OR52R1: variants seen among roughly 807,000 people sequenced by gnomAD.
OR52R1 encodes olfactory receptor 52R1.
For synonymous variants in OR52R1, 159 were observed against 150.1 expected, an observed-to-expected ratio of 1.06 and a Z score of -0.43; for missense variants, 432 against 395.1, an observed-to-expected ratio of 1.09 and a Z score of -0.79.
In OR52R1 at chr11:4,804,032, C is replaced by A. The variant is rs1422416076; in HGVS notation, c.349G>T (p.Val117Leu). Residue 117 changes from valine to leucine, a missense_variant, in exon 1 of 1, where the codon GTG (valine) becomes TTG (leucine). Transcript: ENST00000624978. ...IHAFSSVESGVLMAMALDCYV... is the reference protein window; with the variant it reads ...IHAFSSVESGLLMAMALDCYV... ...CAGTCCAGGGCCATAGCCATGAGCA[C>A]CCCAGACTCCACAGAAGAAAAGGCA... The A allele has an allele frequency of 2.5e-6, 4 of 1,613,888 alleles. No homozygotes were observed. The highest frequency in any genetic ancestry group is 3.4e-6 in the Non-Finnish European group (4 of 1,179,984).
Position 4,803,994 on chromosome 11 carries a change from G to C in OR52R1, c.387C>G (p.Ile129Met). Residue 129 changes from isoleucine (I) to methionine (M), a missense_variant, in exon 1 of 1, where the codon ATC (isoleucine) becomes ATG (methionine). Physicochemically the swap from Ile to Met is conservative, Grantham distance 10 (BLOSUM62 1). Coordinates refer to ENST00000624978, the MANE Select transcript of OR52R1 (RefSeq NM_001005177.3). Reference protein sequence around the residue: ...MAMALDCYVAICFPLRHSSIL... With the variant: ...MAMALDCYVAMCFPLRHSSIL... Reference sequence around the variant, plus strand: ...TGCTAGAGTGTCGGAGTGGGAAGCAGATAGCCACGTAGCAGTCCAGGGCCA... The same window carrying C: ...TGCTAGAGTGTCGGAGTGGGAAGCACATAGCCACGTAGCAGTCCAGGGCCA... 6.2e-7 allele frequency: 1 copy of C among 1,613,856 alleles called. No homozygotes were observed. The highest frequency in any genetic ancestry group is 8.5e-7 in the Non-Finnish European group (1 of 1,180,004).
chr11:4,803,748 G>A lies in OR52R1; in HGVS notation c.633C>T (p.Gly211=), dbSNP rs763625291. The A allele has an allele frequency of 6.2e-7, 1 of 1,613,568 alleles. No homozygotes were observed. The highest frequency in any genetic ancestry group is 8.5e-7 in the Non-Finnish European group (1 of 1,179,926). Residue 211 remains glycine (G), a synonymous_variant, in exon 1 of 1, where the codon GGC becomes GGT. Transcript: ENST00000624978. Reference sequence around the variant, plus strand: ...ACATACCAATGACAATCATATCAAAGCCAGCCACAGAGAAGGCCACAAAGA... The same window carrying A: ...ACATACCAATGACAATCATATCAAAACCAGCCACAGAGAAGGCCACAAAGA... ...NGLFVAFSVA[G]FDMIVIGMSY...
At position 4,804,070 on chromosome 11, in the gene OR52R1, A is replaced by G; in HGVS notation, c.311T>C (p.Val104Ala). ...EIQYHACLIQ[V>A]FFIHAFSSVE... ...AGAAGAAAAGGCATGGATGAAGAAC[A>G]CCTGGATGAGGCAGGCATGGTACTG... The change falls in exon 1 of 1, where the codon GTG (valine) becomes GCG (alanine). Residue 104 changes from valine (V) to alanine (A), a missense_variant. By Grantham distance (64) the Val-to-Ala change is moderately conservative (BLOSUM62 0). Coordinates refer to ENST00000624978, the MANE Select transcript of OR52R1 (RefSeq NM_001005177.3). 1 of 1,614,084 alleles carries G rather than the reference A, an allele frequency of 6.2e-7. No homozygotes were observed. The highest frequency in any genetic ancestry group is 8.5e-7 in the Non-Finnish European group (1 of 1,180,040).
rs1849228953 is a variant in OR52R1, at chr11:4,804,149, AG to A, written c.231del (p.Ser78ProfsTer62). 2 of 1,614,034 alleles carry A rather than the reference AG, an allele frequency of 1.2e-6. No homozygotes were observed. The highest frequency in any genetic ancestry group is 2.2e-5 in the South Asian group (2 of 91,074). ...AMLAITDLVL[S>X]SSTQPKMLAI... is the part of the protein sequence containing the mutation. Reference sequence around the variant, plus strand: ...GCCAACATCTTAGGTTGAGTGGAGGAGGAGAGGACCAGGTCAGTGATGGCCA... The same window carrying A: ...GCCAACATCTTAGGTTGAGTGGAGGAGAGAGGACCAGGTCAGTGATGGCCA... On this transcript the variant is annotated frameshift_variant, in exon 1 of 1. Transcript: ENST00000624978. LOFTEE classifies it low-confidence loss of function (END_TRUNC).
At position 4,803,834 on chromosome 11, in the gene OR52R1, C is replaced by T. The variant is rs1166781686; in HGVS notation, c.547G>A (p.Glu183Lys). Residue 183 changes from glutamate to lysine, a missense_variant, in exon 1 of 1, where the codon GAG (glutamate) becomes AAG (lysine). Glu to Lys is a moderately conservative substitution (Grantham distance 56). Coordinates refer to ENST00000624978, the MANE Select transcript of OR52R1 (RefSeq NM_001005177.3). Reference sequence around the variant, plus strand: ...ACCAACTTCAGCACAGCCATGTGCTCACAGTATGACTGGGGAATGGCTTGG... The same window carrying T: ...ACCAACTTCAGCACAGCCATGTGCTTACAGTATGACTGGGGAATGGCTTGG... ...QHQAIPQSYCEHMAVLKLVCA... is the reference protein window; with the variant it reads ...QHQAIPQSYCKHMAVLKLVCA... 2.5e-6 allele frequency: 4 copies of T among 1,612,842 alleles called. No homozygotes were observed. Among genetic ancestry groups the T allele is most frequent in the Non-Finnish European group, 3.4e-6 (4 of 1,179,850 alleles).
chr11:4,803,510 T>C lies in OR52R1; in HGVS notation c.871A>G (p.Asn291Asp), dbSNP rs777122446. 9 of 1,613,902 alleles carry C rather than the reference T, an allele frequency of 5.6e-6. No individual in the cohort carries two copies. The African/African-American group carries it at 9.4e-5, about 17-fold the overall frequency. ...GTTCTAACTCCATAAATGATGGGGT[T>C]GAGCATGGGAGGTATCAGTAGATAG... ...NLYLLIPPML[N>D]PIIYGVRTKQ... is the part of the protein sequence containing the mutation. Residue 291 changes from asparagine to aspartate, a missense_variant, in exon 1 of 1, where the codon AAC becomes GAC. Physicochemically the swap from Asn to Asp is conservative, Grantham distance 23. Transcript: ENST00000624978.
chr11:4,803,605 A>T lies in OR52R1; in HGVS notation c.776T>A (p.Leu259His). ...AAAGCGGTAGGTGAGGAAAGAAAAA[A>T]GGGCTGGGATATAAAGAGCCAAGAT... ...CVILALYIPA[L>H]FSFLTYRFGH... is the part of the protein sequence containing the mutation. Residue 259 changes from leucine to histidine, a missense_variant, in exon 1 of 1, where the codon CTT (leucine) becomes CAT (histidine). Coordinates refer to ENST00000624978, the MANE Select transcript of OR52R1 (RefSeq NM_001005177.3). 1 of 1,614,098 alleles carries T rather than the reference A, an allele frequency of 6.2e-7. No homozygotes were observed. Among genetic ancestry groups the T allele is most frequent in the South Asian group, 1.1e-5 (1 of 91,056 alleles).
chr11:4,803,566 G>A lies in OR52R1; in HGVS notation c.815C>T (p.Pro272Leu), dbSNP rs1313005398. 4.3e-6 allele frequency: 7 copies of A among 1,613,830 alleles called. No homozygotes were observed. Among genetic ancestry groups the A allele is most frequent in the Non-Finnish European group, 5.9e-6 (7 of 1,179,970 alleles). ...FLTYRFGHDV[P>L]RVVHILFANL... ...AGCAAACAGGATGTGTACAACTCGGGGCACATCATGGCCAAAGCGGTAGGT... is the reference window on the plus strand; with the variant it reads ...AGCAAACAGGATGTGTACAACTCGGAGCACATCATGGCCAAAGCGGTAGGT... Residue 272 changes from proline to leucine, a missense_variant, in exon 1 of 1, where the codon CCC becomes CTC. Transcript: ENST00000624978.
In OR52R1 at chr11:4,803,908, C is replaced by A. The variant is rs762774407; in HGVS notation, c.473G>T (p.Trp158Leu). The A allele has an allele frequency of 2.6e-5, 42 of 1,613,008 alleles. No individual in the cohort carries two copies. In the South Asian group the frequency reaches 4.5e-4, roughly 17 times the overall value. Residue 158 changes from tryptophan to leucine, a missense_variant, in exon 1 of 1, where the codon TGG becomes TTG. Trp to Leu is a moderately conservative substitution (Grantham distance 61). Transcript: ENST00000624978. Reference sequence around the variant, plus strand: ...CACCATGAAGCAGAAGGGGCTCACCCACAGCAGCCCTCTCAGCATCACGAT... The same window carrying A: ...CACCATGAAGCAGAAGGGGCTCACCAACAGCAGCCCTCTCAGCATCACGAT... ...GTIVMLRGLL[W>L]VSPFCFMVSR... is the part of the protein sequence containing the mutation.
chr11:4,804,089 G>A lies in OR52R1; in HGVS notation c.292C>T (p.His98Tyr). Residue 98 changes from histidine to tyrosine, a missense_variant, in exon 1 of 1, where the codon CAT becomes TAT. By Grantham distance (83) the His-to-Tyr change is moderately conservative. Coordinates refer to ENST00000624978, the MANE Select transcript of OR52R1 (RefSeq NM_001005177.3). ...FWFHAHEIQY[H>Y]ACLIQVFFIH... is the part of the protein sequence containing the mutation. ...AAGAACACCTGGATGAGGCAGGCAT[G>A]GTACTGAATCTCATGAGCATGAAAC... is the stretch of plus-strand genomic sequence containing the variant. 6 of 1,614,048 alleles carry A rather than the reference G, an allele frequency of 3.7e-6. No individual in the cohort carries two copies. The highest frequency in any genetic ancestry group is 5.1e-6 in the Non-Finnish European group (6 of 1,180,014).
chr11:4,803,677 T>C lies in OR52R1; in HGVS notation c.704A>G (p.Glu235Gly). 6.2e-7 allele frequency: 1 copy of C among 1,613,718 alleles called. No individual in the cohort carries two copies. Among genetic ancestry groups the C allele is most frequent in the Non-Finnish European group, 8.5e-7 (1 of 1,179,932 alleles). Residue 235 changes from glutamate to glycine, a missense_variant, in exon 1 of 1, where the codon GAA becomes GGA. Transcript: ENST00000624978. The part of the protein sequence containing the change: ...LRAVLQLPSG[E>G]ARLKAFSTRS... Reference sequence around the variant, plus strand: ...TGTGCTAAAAGCTTTGAGGCGGGCTTCACCTGAGGGCAACTGAAGCACAGC... The same window carrying C: ...TGTGCTAAAAGCTTTGAGGCGGGCTCCACCTGAGGGCAACTGAAGCACAGC...
At position 4,803,685 on chromosome 11, in the gene OR52R1, G is replaced by A. The variant is rs772092961; in HGVS notation, c.696C>T (p.Pro232=). 9.9e-6 allele frequency: 16 copies of A among 1,613,738 alleles called. No homozygotes were observed. The South Asian group carries it at 1.8e-4, about 18-fold the overall frequency. The change falls in exon 1 of 1, where the codon CCC becomes CCT. Residue 232 remains proline (P), a synonymous_variant. Coordinates refer to ENST00000624978, the MANE Select transcript of OR52R1 (RefSeq NM_001005177.3). The part of the protein sequence containing the change: ...VMILRAVLQL[P]SGEARLKAFS... ...AAGCTTTGAGGCGGGCTTCACCTGA[G>A]GGCAACTGAAGCACAGCTCTCAAAA...
At position 4,804,344 on chromosome 11, in the gene OR52R1, C is replaced by G; in HGVS notation, c.37G>C (p.Val13Leu). Residue 13 changes from valine (V) to leucine (L), a missense_variant, in exon 1 of 1, where the codon GTG becomes CTG. Physicochemically the swap from Val to Leu is conservative, Grantham distance 32 (BLOSUM62 1). Transcript: ENST00000624978. ...GGGATTCCAAGCAGGATGAAGGACACAGGATGAGAAGAGCTGTTCCCTGAA... is the reference window on the plus strand; with the variant it reads ...GGGATTCCAAGCAGGATGAAGGACAGAGGATGAGAAGAGCTGTTCCCTGAA... Reference protein sequence around the residue: ...LASGNSSSHPVSFILLGIPGL... With the variant: ...LASGNSSSHPLSFILLGIPGL... 6.2e-7 allele frequency: 1 copy of G among 1,614,118 alleles called. No homozygotes were observed. The highest frequency in any genetic ancestry group is 8.5e-7 in the Non-Finnish European group (1 of 1,180,026).
Position 4,804,072 on chromosome 11 carries a change from C to G in OR52R1, c.309G>C (p.Gln103His). 1 of 1,614,038 alleles carries G rather than the reference C, an allele frequency of 6.2e-7. No individual in the cohort carries two copies. Among genetic ancestry groups the G allele is most frequent in the Non-Finnish European group, 8.5e-7 (1 of 1,180,026 alleles). Reference protein sequence around the residue: ...HEIQYHACLIQVFFIHAFSSV... With the variant: ...HEIQYHACLIHVFFIHAFSSV... ...AAGAAAAGGCATGGATGAAGAACAC[C>G]TGGATGAGGCAGGCATGGTACTGAA... The change falls in exon 1 of 1, where the codon CAG becomes CAC. Residue 103 changes from glutamine to histidine, a missense_variant. Coordinates refer to ENST00000624978, the MANE Select transcript of OR52R1 (RefSeq NM_001005177.3).
rs1167522587 is a variant in OR52R1, at chr11:4,804,170, T to A, written c.211A>T (p.Ile71Phe). 3 of 1,614,148 alleles carry A rather than the reference T, an allele frequency of 1.9e-6. No homozygotes were observed. The highest frequency in any genetic ancestry group is 1.6e-4 in the Middle Eastern group (1 of 6,062). The change falls in exon 1 of 1, where the codon ATC becomes TTC. Residue 71 changes from isoleucine (I) to phenylalanine (F), a missense_variant. Transcript: ENST00000624978. The part of the protein sequence containing the change: ...PMYLFLAMLA[I>F]TDLVLSSSTQ... ...GAGGAGGAGAGGACCAGGTCAGTGATGGCCAGCATGGCCAGAAAGAGGTAC... is the reference window on the plus strand; with the variant it reads ...GAGGAGGAGAGGACCAGGTCAGTGAAGGCCAGCATGGCCAGAAAGAGGTAC...
rs1301527610 is a variant in OR52R1 at position 4,804,177 on chromosome 11, C to T, written c.204G>A (p.Met68Ile). 2.5e-6 allele frequency: 4 copies of T among 1,614,104 alleles called. No individual in the cohort carries two copies. The highest frequency in any genetic ancestry group is 1.3e-5 in the African/African-American group (1 of 75,044). ...LHEPMYLFLA[M>I]LAITDLVLSS... ...AGAGGACCAGGTCAGTGATGGCCAG[C>T]ATGGCCAGAAAGAGGTACATGGGCT... Residue 68 changes from methionine to isoleucine, a missense_variant, in exon 1 of 1, where the codon ATG becomes ATA. By Grantham distance (10) the Met-to-Ile change is conservative. Coordinates refer to ENST00000624978, the MANE Select transcript of OR52R1 (RefSeq NM_001005177.3).
Position 4,804,287 on chromosome 11 carries a change from A to G in OR52R1, c.94T>C (p.Phe32Leu), listed in dbSNP as rs1734074597. 1 of 1,614,084 alleles carries G rather than the reference A, an allele frequency of 6.2e-7. No homozygotes were observed. The highest frequency in any genetic ancestry group is 1.3e-5 in the African/African-American group (1 of 75,040). The change falls in exon 1 of 1, where the codon TTT (phenylalanine) becomes CTT (leucine). Residue 32 changes from phenylalanine (F) to leucine (L), a missense_variant. Phe to Leu is a conservative substitution (Grantham distance 22). Transcript: ENST00000624978. ...GLESFQLWIA[F>L]PFCATYAVAV... ...ACAGCATACGTGGCACAGAACGGAA[A>G]GGCAATCCACAACTGGAAACTCTCC...
At position 4,803,952 on chromosome 11, in the gene OR52R1, G is replaced by A. The variant is rs758650103; in HGVS notation, c.429C>T (p.Val143=). Residue 143 remains valine, a synonymous_variant, in exon 1 of 1, where the codon GTC becomes GTT. Coordinates refer to ENST00000624978, the MANE Select transcript of OR52R1 (RefSeq NM_001005177.3). The stretch of plus-strand genomic sequence containing the variant: ...TCACGATGGTCCCCAGTTTGATCAC[G>A]ACCGATGGGGTCAGGATGCTAGAGT... ...LRHSSILTPS[V]VIKLGTIVML... 7.4e-6 allele frequency: 12 copies of A among 1,613,380 alleles called. No homozygotes were observed. Among genetic ancestry groups the A allele is most frequent in the African/African-American group, 1.3e-5 (1 of 74,790 alleles).
rs765763835 is a variant in OR52R1 at position 4,804,030 on chromosome 11, C to T, written c.351G>A (p.Val117=). 5 of 1,613,938 alleles carry T rather than the reference C, an allele frequency of 3.1e-6. No individual in the cohort carries two copies. The highest frequency in any genetic ancestry group is 2.2e-5 in the South Asian group (2 of 91,068). Residue 117 remains valine, a synonymous_variant, in exon 1 of 1, where the codon GTG becomes GTA. Transcript: ENST00000624978. ...AGCAGTCCAGGGCCATAGCCATGAG[C>T]ACCCCAGACTCCACAGAAGAAAAGG... ...IHAFSSVESG[V]LMAMALDCYV...
Sources: gnomAD v4.1 joint callset for allele counts on GRCh38, gnomAD v4.1.1 for gene constraint, MANE v1.5 for transcripts, NCBI Gene and HGNC (gene_info 2026-07-23, HGNC 2026-07-21) for gene names.